Variants in MOV10 observed in about 807,000 individuals in gnomAD.
MOV10 encodes the protein RNA helicase MOV-10.
A neutral mutation model predicts 108.4 loss-of-function variants in MOV10; 39 were observed. That is an observed-to-expected ratio of 0.36 (90% CI 0.28 to 0.47). The LOEUF is 0.47. Among genes scored for constraint, MOV10 ranks in the 20% least tolerant of loss-of-function variants. MOV10 has a pLI of 1.00. For synonymous variants in MOV10, 490 were observed against 523.1 expected, an observed-to-expected ratio of 0.94 and a Z score of 0.86; for missense variants, 952 against 1,297.6, an observed-to-expected ratio of 0.73 and a Z score of 4.09.
Position 112,675,054 on chromosome 1 carries a change from G to A in MOV10, c.137+5G>A, listed in dbSNP as rs775852558. On this transcript the variant is annotated splice_donor_5th_base_variant and intron_variant, in intron 2 of 20. Transcript: ENST00000369645. The surrounding 1 kb of genome is among the most constrained non-coding windows in gnomAD (Gnocchi z 4.7). The stretch of plus-strand genomic sequence containing the variant: ...TAACCGCGACTTCAAGATCAGGTAC[G>A]GGCCGGCCCACTCCCGGCCCCGAAT... 6.9e-6 allele frequency: 11 copies of A among 1,590,630 alleles called. No homozygotes were observed. The East Asian group carries it at 1.7e-4, about 25-fold the overall frequency.
chr1:112,674,602 T>C (rs1199617806), upstream of MOV10: 2 of 236,370 alleles, frequency 8.5e-6, no homozygotes, highest in East Asian at 2.1e-4. Context: ...GTTCTGATAC[T>C]GGCTAGAAGC....
In MOV10 at chr1:112,689,098, A is replaced by G; in HGVS notation, c.301A>G (p.Lys101Glu). The change falls in exon 3 of 21, where the codon AAA becomes GAA. Residue 101 changes from lysine (K) to glutamate (E), a missense_variant. By Grantham distance (56) the Lys-to-Glu change is moderately conservative. Coordinates refer to ENST00000369645, the MANE Select transcript of MOV10 (RefSeq NM_001321324.2). ...AATGAAGCTGGGGTCAGATATCAGC[A>G]AACACCACAAGTCACTGCTAGCCAA... ...RRMKLGSDISKHHKSLLAKIF... is the reference protein window; with the variant it reads ...RRMKLGSDISEHHKSLLAKIF... 6.2e-7 allele frequency: 1 copy of G among 1,611,556 alleles called. No homozygotes were observed. Among genetic ancestry groups the G allele is most frequent in the South Asian group, 1.1e-5 (1 of 90,874 alleles).
intron 2 of MOV10, chr1:112,686,926 A>G (rs898371823): frequency 2.4e-5 from 11 of 456,380 alleles, no homozygotes; most frequent in Admixed American, 1.4e-4. Context: ...TAACTGGACA[A>G]TTGCAAGGGC....
rs1266134946 is a variant in MOV10 at position 112,694,643 on chromosome 1, C to G, written c.1472+14C>G. On this transcript the variant is annotated intron_variant, in intron 9 of 20. Coordinates refer to ENST00000369645, the MANE Select transcript of MOV10 (RefSeq NM_001321324.2). This position sits in a 1 kb window ranked among gnomAD's most constrained non-coding sequence, Gnocchi z 4.1. Reference sequence around the variant, plus strand: ...TGTGAAACTCAAGTGAGACTGTGGGCAGGGAGCTTCTGGAGCCACTTGGAG... The same window carrying G: ...TGTGAAACTCAAGTGAGACTGTGGGGAGGGAGCTTCTGGAGCCACTTGGAG... 2.5e-6 allele frequency: 4 copies of G among 1,592,818 alleles called. No homozygotes were observed. The highest frequency in any genetic ancestry group is 3.4e-6 in the Non-Finnish European group (4 of 1,167,914).
chr1:112,685,345 A>G lies in MOV10; in HGVS notation c.138-3590A>G, dbSNP rs183483797. ...GCTGCTGGTTTCCAGTCTTGGTTAG[A>G]AAGTTTTTCTTAGAAATATAGGGGA... On this transcript the variant is annotated intron_variant, in intron 2 of 20. Transcript: ENST00000369645. Among the ~76,000 whole-genome samples the G allele has an allele frequency of 1.2e-3, 184 of 152,048 alleles. 3 individuals are homozygous for G. Among genetic ancestry groups the G allele is most frequent in the Non-Finnish European group, 1.9e-3 (131 of 67,990 alleles).
At chr1:112,700,194 G>C in intron 19 of MOV10, 25 bp from the exon 20 acceptor site, 1 of 1,613,800 alleles carries the variant, frequency 6.2e-7, no homozygotes, top group Non-Finnish European at 8.5e-7. Flanking sequence ...TCCAGTCTCT[G>C]CTGGCACTCC....
chr1:112,692,953 G>A (rs996705318), intron 7 of MOV10, 24 bp downstream of exon 7: 1 of 1,592,068 alleles, frequency 6.3e-7, no homozygotes, highest in Non-Finnish European at 8.6e-7. Flanking sequence ...TTGAGTGTGA[G>A]GAGGGTGGGC....
chr1:112,674,445 G>C (rs936375111), upstream of MOV10: 4 of 152,604 alleles, frequency 2.6e-5, no homozygotes, highest in Admixed American at 2.6e-4. Flanking sequence ...CCCCATTCCG[G>C]CCGCAGCCGA....
intron 17 of MOV10, 25 bp downstream of exon 17, chr1:112,698,814 C>A (rs769077154): frequency 2.5e-6 from 4 of 1,600,986 alleles, no homozygotes; most frequent in East Asian, 4.5e-5. Flanking sequence ...CACAGTCACT[C>A]CCTGCCTTCC....
At chr1:112,674,574 G>A, upstream of MOV10, 1 of 195,968 alleles carries the variant, frequency 5.1e-6, no homozygotes, top group South Asian at 9.8e-5. Flanking sequence ...TGTTCAGAGG[G>A]CCCCAAGCGG....
intron 7 of MOV10, 127 bp from the exon 8 acceptor site, chr1:112,693,891 A>C (rs544401114): frequency 5.9e-5 from 43 of 724,292 alleles, no homozygotes; most frequent in Non-Finnish European, 9.9e-5. Flanking sequence ...GGATAGCATA[A>C]CTCCCTGAGT....
At chr1:112,699,057 CCA>C in intron 17 of MOV10, 1 of 456,636 alleles carries the variant, frequency 2.2e-6, no homozygotes, top group Admixed American at 3.9e-5. Context: ...AGGATAAAGT[CCA>C]AATTCCGTGG....
chr1:112,700,627 C>A lies in MOV10; in HGVS notation c.*120C>A. 6.5e-7 allele frequency: 1 copy of A among 1,548,378 alleles called. No homozygotes were observed. Among genetic ancestry groups the A allele is most frequent in the Non-Finnish European group, 8.7e-7 (1 of 1,147,324 alleles). ...GAAGGCTGGGGGAGGGAGTTTACAACCCAAGCCATTCCACCCCCTCCCCTG... is the reference window on the plus strand; with the variant it reads ...GAAGGCTGGGGGAGGGAGTTTACAAACCAAGCCATTCCACCCCCTCCCCTG... On this transcript the variant is annotated 3_prime_UTR_variant, in exon 21 of 21. Transcript: ENST00000369645.
chr1:112,680,920 C>A (rs966496694), intron 2 of MOV10, among the ~76,000 whole-genome samples: 2 of 151,490 alleles, frequency 1.3e-5, no homozygotes, highest in East Asian at 4.0e-4. Flanking sequence ...TCAGGCTGGT[C>A]TTGAATTCCT....
Position 112,698,275 on chromosome 1 carries a change from C to T in MOV10, c.2317-12C>T, listed in dbSNP as rs774957326. 1 of 1,610,332 alleles carries T rather than the reference C, an allele frequency of 6.2e-7. No homozygotes were observed. Among genetic ancestry groups the T allele is most frequent in the Middle Eastern group, 1.7e-4 (1 of 6,040 alleles). The stretch of plus-strand genomic sequence containing the variant: ...TGGTCTGGCTGACGGTTTCCCCCGA[C>T]CCCATGTCCAGGGCTTTCCCATCAT... On this transcript the variant is annotated splice_polypyrimidine_tract_variant and intron_variant, in intron 15 of 20. Transcript: ENST00000369645.
chr1:112,697,539 G>A (rs1487206148), intron 14 of MOV10, among the ~76,000 whole-genome samples: 2 of 152,136 alleles, frequency 1.3e-5, no homozygotes, highest in East Asian at 1.9e-4. Flanking sequence ...TTAAAGAGCT[G>A]TATACTTTTA....
chr1:112,686,096 C>T lies in MOV10; in HGVS notation c.138-2839C>T, dbSNP rs537023576. Among the ~76,000 whole-genome samples the T allele has an allele frequency of 7.2e-5, 11 of 152,262 alleles. No homozygotes were observed. The South Asian group carries it at 2.1e-3, about 29-fold the overall frequency. ...TGCACTTCCCAGTTTGTTCAGTCCC[C>T]ACAAAGCCCTCTTTCTGCCCAGCAT... On this transcript the variant is annotated intron_variant, in intron 2 of 20. Transcript: ENST00000369645.
At chr1:112,680,726 T>TTA (rs1557751000) in intron 2 of MOV10, among the ~76,000 whole-genome samples, 2 of 144,028 alleles carry the variant, frequency 1.4e-5, no homozygotes, top group African/African-American at 5.3e-5. Context: ...TTTTTTTTTT[T>TTA]AAATCTCTCT....
chr1:112,678,623 T>C (rs1032759589), intron 2 of MOV10, among the ~76,000 whole-genome samples: 1 of 151,872 alleles, frequency 6.6e-6, no homozygotes, highest in African/African-American at 2.4e-5. Context: ...CTTGAAGGAT[T>C]AATGGGACTT....
Sources: allele counts gnomAD v4.1 joint callset (sites outside exome capture counted in the v4.1 genomes callset), GRCh38; gene constraint gnomAD v4.1.1; non-coding constraint Gnocchi (gnomAD v3.1); transcripts MANE v1.5; gene names NCBI Gene and HGNC (gene_info 2026-07-23, HGNC 2026-07-21).